The following OCA2 variants were observed in gnomAD, a reference collection of about 807,000 sequenced individuals.
OCA2 encodes the protein OCA2 melanosomal transmembrane protein.
A neutral mutation model predicts 100.2 loss-of-function variants in OCA2; 77 were observed. That is an observed-to-expected ratio of 0.77 (90% CI 0.64 to 0.93). OCA2 has a LOEUF of 0.93. Among genes scored for constraint, OCA2 ranks in the 40% least tolerant of loss-of-function variants. OCA2 has a pLI of 0.00. For synonymous variants in OCA2, 432 were observed against 439.2 expected (o/e 0.98, Z 0.21); for missense variants, 1,062 against 1,089.1 (o/e 0.98, Z 0.35).
chr15:28,045,441 C>T (rs756779920), intron 2 of OCA2, among the ~76,000 whole-genome samples: 12 of 152,176 alleles, frequency 7.9e-5, no homozygotes, highest in South Asian at 4.1e-4. Context: ...TGATATGAGA[C>T]GCACACTTCA....
chr15:27,737,812 T>C, the OCA2 span, among the ~76,000 whole-genome samples: 1 of 152,202 alleles, frequency 6.6e-6, no homozygotes, highest in South Asian at 2.1e-4. Context: ...AAGGCAGTCA[T>C]TGATCCAGAG....
chr15:27,806,053 T>C (rs2033832336), intron 23 of OCA2, among the ~76,000 whole-genome samples: 1 of 152,154 alleles, frequency 6.6e-6, no homozygotes, highest in African/African-American at 2.4e-5. Context: ...ATTTAGAAAG[T>C]AAATAATACT....
At chr15:28,027,212 T>C (rs1413813440) in intron 4 of OCA2, among the ~76,000 whole-genome samples, 7 of 152,176 alleles carry the variant, frequency 4.6e-5, no homozygotes, top group African/African-American at 1.7e-4. Context: ...ATGCGCGCCC[T>C]AGGCCTACAC....
chr15:27,748,770 C>T, the OCA2 span, among the ~76,000 whole-genome samples: 1 of 151,922 alleles, frequency 6.6e-6, no homozygotes, highest in Non-Finnish European at 1.5e-5. Flanking sequence ...ATGCAATAGG[C>T]AATGAATAAG....
chr15:27,736,331 CAG>C, the OCA2 span, among the ~76,000 whole-genome samples: 20 of 143,532 alleles, frequency 1.4e-4, no homozygotes, highest in African/African-American at 5.1e-4. Context: ...TGAGAACAAA[CAG>C]ATTACCAGAA....
intron 23 of OCA2, among the ~76,000 whole-genome samples, chr15:27,766,118 C>G (rs1451083425): frequency 6.6e-6 from 1 of 151,998 alleles, no homozygotes; most frequent in Admixed American, 6.6e-5. Context: ...GAAGTCCAGA[C>G]CAATAAATAT....
At chr15:27,846,030 G>A (rs1349072767) in intron 22 of OCA2, among the ~76,000 whole-genome samples, 3 of 152,116 alleles carry the variant, frequency 2.0e-5, no homozygotes, top group Non-Finnish European at 2.9e-5. Flanking sequence ...AGTCCTGACC[G>A]TGAACCATTC....
chr15:27,907,729 T>A (rs1336313582), intron 19 of OCA2, among the ~76,000 whole-genome samples: 1 of 152,204 alleles, frequency 6.6e-6, no homozygotes, highest in Admixed American at 6.5e-5. Context: ...ATTTGGAAAC[T>A]TCTGTGAAAA....
At chr15:28,015,975 AGTGCC>A (rs1361332581) in intron 8 of OCA2, 124 bp downstream of exon 8, 1 of 746,726 alleles carries the variant, frequency 1.3e-6, no homozygotes, top group Non-Finnish European at 2.4e-6. Context: ...ACACAGCATG[AGTGCC>A]GTGTCCAAGT....
At chr15:27,896,893 A>T (rs747208090) in intron 19 of OCA2, among the ~76,000 whole-genome samples, 3 of 143,658 alleles carry the variant, frequency 2.1e-5, no homozygotes, top group Non-Finnish European at 4.6e-5. Flanking sequence ...AGGGCATGTC[A>T]GAAATCTTCT....
chr15:27,728,376 C>G, the OCA2 span, among the ~76,000 whole-genome samples: 3 of 151,638 alleles, frequency 2.0e-5, no homozygotes, highest in African/African-American at 7.3e-5. Flanking sequence ...TCAGCTCTAC[C>G]CTCTAAATCA....
At chr15:27,808,537 T>C (rs1188409255) in intron 23 of OCA2, among the ~76,000 whole-genome samples, 2 of 152,156 alleles carry the variant, frequency 1.3e-5, no homozygotes, top group Non-Finnish European at 2.9e-5. Flanking sequence ...AAACCATGCA[T>C]GGTGTGGAGG....
intron 9 of OCA2, among the ~76,000 whole-genome samples, chr15:28,014,344 G>A (rs142956272): frequency 3.3e-5 from 5 of 152,128 alleles, no homozygotes; most frequent in East Asian, 1.9e-4. Flanking sequence ...TAATCCCTCC[G>A]GGCACACAGC....
intron 18 of OCA2, among the ~76,000 whole-genome samples, chr15:27,947,394 C>T (rs2039877364): frequency 6.6e-6 from 1 of 152,192 alleles, no homozygotes; most frequent in Non-Finnish European, 1.5e-5. Flanking sequence ...CACCTCTTTA[C>T]CGGATGGGTG....
intron 23 of OCA2, among the ~76,000 whole-genome samples, chr15:27,832,728 T>C (rs1595484832): frequency 6.6e-6 from 1 of 152,210 alleles, no homozygotes; most frequent in Admixed American, 6.5e-5. Flanking sequence ...GAGGCCTACT[T>C]CTTGCTAGTT....
the OCA2 span, among the ~76,000 whole-genome samples, chr15:27,743,325 T>C: frequency 2.6e-5 from 4 of 152,196 alleles, no homozygotes; most frequent in African/African-American, 9.7e-5. Context: ...ACAGTGACAC[T>C]CTGCCACACT....
intron 15 of OCA2, among the ~76,000 whole-genome samples, chr15:27,964,064 T>C (rs2040487955): frequency 6.6e-6 from 1 of 152,202 alleles, no homozygotes; most frequent in South Asian, 2.1e-4. Flanking sequence ...AACAGATAAC[T>C]TGAATAGCCA....
the OCA2 span, among the ~76,000 whole-genome samples, chr15:27,727,387 T>G: frequency 6.6e-6 from 1 of 152,170 alleles, no homozygotes; most frequent in Non-Finnish European, 1.5e-5. Flanking sequence ...AAACTGTGAT[T>G]CCAACCAGTG....
In OCA2 at chr15:27,913,932, A is replaced by C. The variant is rs147731969; in HGVS notation, c.2079+12195T>G. On this transcript the variant is annotated intron_variant, in intron 19 of 23. Transcript: ENST00000354638. ...GCAAGCAAGCAAGCAAGCAAGCAAGAAAGAAAGAAAAAAATTTCAGGCCAA... is the reference window on the plus strand; with the variant it reads ...GCAAGCAAGCAAGCAAGCAAGCAAGCAAGAAAGAAAAAAATTTCAGGCCAA... Among the ~76,000 whole-genome samples the C allele has an allele frequency of 4.9e-3, 695 of 141,562 alleles. 63 individuals are homozygous for C. Among genetic ancestry groups the C allele is most frequent in the Admixed American group, 7.5e-3 (107 of 14,288 alleles). 92.9% of individuals were successfully genotyped at this position (141,562 alleles called of 152,430 possible). A position where few individuals can be genotyped will look rare whatever the true frequency, so the allele number is the denominator to read the frequency against.
Sources: allele counts gnomAD v4.1 joint callset (sites outside exome capture counted in the v4.1 genomes callset), GRCh38; gene constraint gnomAD v4.1.1; transcripts MANE v1.5; gene names NCBI Gene and HGNC (gene_info 2026-07-23, HGNC 2026-07-21).